REPS1: variants seen among roughly 807,000 people sequenced by gnomAD.
REPS1 encodes RALBP1 associated Eps domain containing 1.
Under a neutral mutation model 100.9 loss-of-function variants are expected in REPS1, and 39 were observed. The observed-to-expected ratio is 0.39, with a 90% CI of 0.30 to 0.50. The LOEUF (loss-of-function observed/expected upper bound fraction) is 0.50. REPS1 is among the 20% of genes least tolerant of loss of function. The pLI, the probability that REPS1 is intolerant of heterozygous loss-of-function variation, is 0.86. For missense variants in REPS1, 821 were observed against 968.5 expected (o/e 0.85, Z 2.02); for synonymous variants, 324 against 340.3 (o/e 0.95, Z 0.53).
chr6:138,971,277 G>A (rs1402927790), intron 1 of REPS1, among the ~76,000 whole-genome samples: 1 of 152,162 alleles, frequency 6.6e-6, no homozygotes, highest in Non-Finnish European at 1.5e-5. Context: ...CTATTCCTAT[G>A]AGATAATGAC....
At chr6:138,974,284 G>A (rs1210950633) in intron 1 of REPS1, among the ~76,000 whole-genome samples, 1 of 152,046 alleles carries the variant, frequency 6.6e-6, no homozygotes, top group East Asian at 1.9e-4. Flanking sequence ...CTTGAATATC[G>A]TAAGAGCATG....
chr6:138,928,125 C>G (rs1781259384), intron 9 of REPS1: 1 of 152,192 alleles, frequency 6.6e-6, no homozygotes, highest in Non-Finnish European at 1.5e-5. Context: ...TTACGCTGTG[C>G]AAACTTGGGC....
intron 1 of REPS1, among the ~76,000 whole-genome samples, chr6:138,980,618 T>G (rs998141858): frequency 1.4e-5 from 2 of 144,744 alleles, no homozygotes; most frequent in Non-Finnish European, 3.0e-5. Flanking sequence ...CCTCCTCTGA[T>G]TCTACCACCC....
At chr6:138,949,729 A>T (rs907768964) in intron 1 of REPS1, among the ~76,000 whole-genome samples, 19 of 5,690 alleles carry the variant, frequency 3.3e-3, no homozygotes, top group African/African-American at 0.019. Flanking sequence ...CCATCTCATA[A>T]AAAAAAAAAA....
At position 138,904,919 on chromosome 6, in the gene REPS1, AATAC is replaced by A; in HGVS notation, c.*141_*144del. 1.7e-6 allele frequency: 1 copy of A among 596,428 alleles called. No homozygotes were observed. The highest frequency in any genetic ancestry group is 3.0e-6 in the Non-Finnish European group (1 of 336,070). 36.9% of individuals were successfully genotyped at this position (596,428 alleles called of 1,614,324 possible). Reference sequence around the variant, plus strand: ...GAAATTAAAAAATAAAAGATACTTAAATACAACGGTGAACATATAGGGCAAAACA... The same window carrying A: ...GAAATTAAAAAATAAAAGATACTTAAAACGGTGAACATATAGGGCAAAACA... On this transcript the variant is annotated 3_prime_UTR_variant, in exon 20 of 20. Transcript: ENST00000450536.
chr6:138,959,148 A>T (rs1783581399), intron 1 of REPS1, among the ~76,000 whole-genome samples: 1 of 152,206 alleles, frequency 6.6e-6, no homozygotes, highest in African/African-American at 2.4e-5. Flanking sequence ...GAAGTCCTGA[A>T]GCATGTTTTG....
chr6:138,966,127 G>A (rs1034876246), intron 1 of REPS1, among the ~76,000 whole-genome samples: 2 of 152,130 alleles, frequency 1.3e-5, no homozygotes, highest in Admixed American at 6.5e-5. Context: ...ACTGTACTAT[G>A]TTGCCACTAT....
chr6:138,909,475 T>C (rs1477828730), intron 17 of REPS1, among the ~76,000 whole-genome samples: 1 of 152,204 alleles, frequency 6.6e-6, no homozygotes, highest in Admixed American at 6.5e-5. Flanking sequence ...TTGACAAAAA[T>C]AAAGTTCATT....
At position 138,917,561 on chromosome 6, in the gene REPS1, C is replaced by T. The variant is rs771654246; in HGVS notation, c.1595G>A (p.Arg532His). ...DPEQIGSNVT[R>H]QRSHSGTSPD... is the part of the protein sequence containing the mutation. ...CATTGACAGAAATACTGACCTTTGA[C>T]GAGTTACATTGCTCCCGATCTGTTC... Residue 532 changes from arginine to histidine, a missense_variant, in exon 13 of 20, where the codon CGT becomes CAT. Transcript: ENST00000450536. 2.2e-5 allele frequency: 36 copies of T among 1,611,756 alleles called. No individual in the cohort carries two copies. Among genetic ancestry groups the T allele is most frequent in the Middle Eastern group, 1.6e-4 (1 of 6,078 alleles).
Position 138,906,450 on chromosome 6 carries a change from A to G in REPS1, c.2322+1045T>C, listed in dbSNP as rs867578205. 3.9e-5 allele frequency among the ~76,000 whole-genome samples: 6 copies of G among 152,074 alleles called. No homozygotes were observed. The South Asian group carries it at 1.2e-3, about 32-fold the overall frequency. On this transcript the variant is annotated intron_variant, in intron 19 of 19. Transcript: ENST00000450536. ...TCTTGGCCTAAATGATAGTAATACC[A>G]CCCTCTTTTTTTCCTCTCAAAAGTG...
rs747238395 is a variant in REPS1, at chr6:138,911,257, T to A, written c.2067+19A>T. On this transcript the variant is annotated intron_variant, in intron 17 of 19. Transcript: ENST00000450536. ...CTTATGATGTACAAAATTATTATTA[T>A]AAAAGACATTTTGCATACCACATTG... 6.7e-7 allele frequency: 1 copy of A among 1,483,342 alleles called. No homozygotes were observed. The highest frequency in any genetic ancestry group is 1.4e-5 in the African/African-American group (1 of 72,010). The allele number at this position is 1,483,342 out of a possible 1,614,324, so 91.9% of individuals were successfully genotyped here. A position where few individuals can be genotyped will look rare whatever the true frequency, so the allele number is the denominator to read the frequency against.
chr6:138,917,123 C>T (rs1780450629), intron 13 of REPS1, among the ~76,000 whole-genome samples: 1 of 152,218 alleles, frequency 6.6e-6, no homozygotes, highest in Non-Finnish European at 1.5e-5. Flanking sequence ...CTATCCCACA[C>T]CCTTCTTGTT....
At chr6:138,925,554 CT>C (rs1189453600) in intron 10 of REPS1, among the ~76,000 whole-genome samples, 1 of 151,880 alleles carries the variant, frequency 6.6e-6, no homozygotes, top group Non-Finnish European at 1.5e-5. Flanking sequence ...TTCTCCATAT[CT>C]TTCTACTCAG....
chr6:138,968,476 C>T (rs1051761919), intron 1 of REPS1, among the ~76,000 whole-genome samples: 7 of 151,890 alleles, frequency 4.6e-5, no homozygotes, highest in African/African-American at 9.7e-5. Context: ...AAGATATGAA[C>T]GCAGTTTTGT....
chr6:138,963,129 AAC>A (rs1172020365), intron 1 of REPS1, among the ~76,000 whole-genome samples: 8 of 118,332 alleles, frequency 6.8e-5, no homozygotes, highest in South Asian at 3.3e-4. Context: ...CTAACTAACT[AAC>A]TAAATAAATA....
At chr6:138,933,951 C>T (rs1781640877) in intron 8 of REPS1, among the ~76,000 whole-genome samples, 1 of 152,008 alleles carries the variant, frequency 6.6e-6, no homozygotes, top group Non-Finnish European at 1.5e-5. Flanking sequence ...ACAACAAAAA[C>T]CAACCAAAGA....
chr6:138,907,345 G>T, intron 19 of REPS1, 150 bp downstream of exon 19: 2 of 371,800 alleles, frequency 5.4e-6, no homozygotes, highest in Non-Finnish European at 1.0e-5. Flanking sequence ...TGTGTGGCGG[G>T]GAGGGGTTAA....
At chr6:138,955,456 AAGTGT>A (rs1219866549) in intron 1 of REPS1, among the ~76,000 whole-genome samples, 1 of 46,858 alleles carries the variant, frequency 2.1e-5, no homozygotes, top group African/African-American at 1.4e-4. Flanking sequence ...AAAAAAAAAA[AAGTGT>A]GTGTGTGTGT....
intron 1 of REPS1, among the ~76,000 whole-genome samples, chr6:138,973,181 T>C (rs1026931661): frequency 6.6e-6 from 1 of 152,094 alleles, no homozygotes; most frequent in African/African-American, 2.4e-5. Context: ...GGTTATCTGG[T>C]TGGGATGATT....
Sources: allele counts gnomAD v4.1 joint callset (sites outside exome capture counted in the v4.1 genomes callset), GRCh38; gene constraint gnomAD v4.1.1; transcripts MANE v1.5; gene names NCBI Gene and HGNC (gene_info 2026-07-23, HGNC 2026-07-21).